PEX1: variants seen among roughly 807,000 people sequenced by gnomAD.
PEX1 encodes the protein peroxisomal ATPase PEX1.
Under a neutral mutation model 152.5 loss-of-function variants are expected in PEX1, and 97 were observed. The ratio of observed to expected loss-of-function variants is 0.64; its 90% CI spans 0.54 to 0.75. The LOEUF (loss-of-function observed/expected upper bound fraction) is 0.75. PEX1 is among the 30% of genes least tolerant of loss of function. PEX1 has a pLI of 0.00. For synonymous variants in PEX1, 485 were observed against 531.6 expected, an observed-to-expected ratio of 0.91 and a Z score of 1.21; for missense variants, 1,357 against 1,516.3, an observed-to-expected ratio of 0.89 and a Z score of 1.74.
intron 11 of PEX1, among the ~76,000 whole-genome samples, chr7:92,505,612 G>T (rs1196727319): frequency 2.0e-5 from 3 of 152,152 alleles, no homozygotes; most frequent in Admixed American, 1.3e-4. Flanking sequence ...TCTGCCTAGA[G>T]ATCCTGGAGT....
chr7:92,508,866 A>G (rs1010348672), intron 9 of PEX1, among the ~76,000 whole-genome samples: 3 of 152,234 alleles, frequency 2.0e-5, no homozygotes, highest in Non-Finnish European at 2.9e-5. Context: ...AAATTATTAC[A>G]GTAATACAAG....
At chr7:92,511,224 A>C (rs1373235279) in intron 7 of PEX1, among the ~76,000 whole-genome samples, 177 bp from the exon 8 acceptor site, 3 of 152,126 alleles carry the variant, frequency 2.0e-5, no homozygotes, top group African/African-American at 7.2e-5. Flanking sequence ...TCCTGGGCTC[A>C]AGTGATCCTT....
At chr7:92,523,197 T>G (rs534223853) in intron 1 of PEX1, among the ~76,000 whole-genome samples, 48 of 152,256 alleles carry the variant, frequency 3.2e-4, no homozygotes, top group Non-Finnish European at 4.4e-4. Context: ...AAGACAACCA[T>G]GTGAACAATT....
At chr7:92,525,841 AG>A (rs1793242300) in intron 1 of PEX1, among the ~76,000 whole-genome samples, 1 of 152,238 alleles carries the variant, frequency 6.6e-6, no homozygotes, top group African/African-American at 2.4e-5. Flanking sequence ...AACACAACAG[AG>A]AAGTATTGAA....
At chr7:92,518,647 G>A (rs770729528) in intron 3 of PEX1, among the ~76,000 whole-genome samples, 1 of 152,194 alleles carries the variant, frequency 6.6e-6, no homozygotes, top group Non-Finnish European at 1.5e-5. Context: ...CTGACTCACT[G>A]CAGCCTTGAC....
chr7:92,517,946 G>T lies in PEX1; in HGVS notation c.569C>A (p.Ser190Ter), dbSNP rs1554375599. The T allele has an allele frequency of 6.3e-7, 1 of 1,597,912 alleles. No individual in the cohort carries two copies. Among genetic ancestry groups the T allele is most frequent in the Non-Finnish European group, 8.5e-7 (1 of 1,174,082 alleles). ...KTRRAKENTF[S>*]KADAEYKKLH... ...TTTTTTATATTCAGCATCAGCTTTTGAAAATGTATTCTCTTTGGCTCGGCG... is the reference window on the plus strand; with the variant it reads ...TTTTTTATATTCAGCATCAGCTTTTTAAAATGTATTCTCTTTGGCTCGGCG... Residue 190 changes from serine (S) to a stop codon, truncating the protein, a stop_gained, in exon 5 of 24, where the codon TCA becomes TAA. Coordinates refer to ENST00000248633, the MANE Select transcript of PEX1 (RefSeq NM_000466.3). LOFTEE classifies it high-confidence loss of function.
chr7:92,523,462 T>C (rs1029245503), intron 1 of PEX1, among the ~76,000 whole-genome samples: 6 of 151,638 alleles, frequency 4.0e-5, no homozygotes, highest in African/African-American at 7.3e-5. Context: ...GCTGGGAATA[T>C]AGGCATACAC....
chr7:92,511,659 T>C lies in PEX1; in HGVS notation c.1404A>G (p.Ser468=), dbSNP rs1488590344. Residue 468 remains serine (S), a synonymous_variant, in exon 7 of 24, where the codon TCA becomes TCG. Transcript: ENST00000248633. ...TGGTGGTAGTAGACTGCTGTAGCCA[T>C]GAATAAAATACAGTTTTTATGTCTT... The part of the protein sequence containing the change: ...SEEDIKTVFY[S]WLQQSTTTML... 6.2e-6 allele frequency: 10 copies of C among 1,611,674 alleles called. No individual in the cohort carries two copies. Among genetic ancestry groups the C allele is most frequent in the Non-Finnish European group, 8.5e-6 (10 of 1,178,262 alleles).
intron 9 of PEX1, 42 bp downstream of exon 9, chr7:92,509,287 T>C: frequency 4.5e-6 from 6 of 1,346,678 alleles, no homozygotes; most frequent in Non-Finnish European, 6.4e-6. Flanking sequence ...GATATAGTGT[T>C]AAAAACATGT....
intron 7 of PEX1, 63 bp downstream of exon 7, chr7:92,511,517 G>A: frequency 7.6e-7 from 1 of 1,312,360 alleles, no homozygotes; most frequent in Non-Finnish European, 1.1e-6. Flanking sequence ...CAGGTTGCAA[G>A]AACAATTAAA....
At chr7:92,494,701 A>G in intron 17 of PEX1, 72 bp from the exon 18 acceptor site, 2 of 1,203,874 alleles carry the variant, frequency 1.7e-6, no homozygotes, top group Admixed American at 1.8e-5. Context: ...ATATACATAT[A>G]TGAATGTATT....
At chr7:92,505,599 G>A (rs1052659854) in intron 11 of PEX1, among the ~76,000 whole-genome samples, 1 of 152,092 alleles carries the variant, frequency 6.6e-6, no homozygotes, top group African/African-American at 2.4e-5. Flanking sequence ...AAATGCAAAT[G>A]CATCTGCCTA....
At position 92,519,050 on chromosome 7, in the gene PEX1, AC is replaced by A. The variant is rs746654281; in HGVS notation, c.301del (p.Val101TyrfsTer31). On this transcript the variant is annotated frameshift_variant, in exon 3 of 24. Transcript: ENST00000248633. LOFTEE classifies it high-confidence loss of function. Reference sequence around the variant, plus strand: ...TTCCACCTCAACTTGTTGACAAGATACCACATGGGAACATGGCTTGAGAAAT... The same window carrying A: ...TTCCACCTCAACTTGTTGACAAGATACACATGGGAACATGGCTTGAGAAAT... ...QVFLKPCSHV[V>X]SCQQVEVEPL... The A allele has an allele frequency of 6.2e-6, 10 of 1,609,498 alleles. No individual in the cohort carries two copies. The highest frequency in any genetic ancestry group is 8.5e-6 in the Non-Finnish European group (10 of 1,175,882).
rs762766482 is a variant in PEX1 at position 92,506,297 on chromosome 7, A to T, written c.1851T>A (p.Phe617Leu). 5 of 1,612,470 alleles carry T rather than the reference A, an allele frequency of 3.1e-6. No homozygotes were observed. The Admixed American group carries it at 6.7e-5, about 21-fold the overall frequency. The change falls in exon 11 of 24, where the codon TTT (phenylalanine) becomes TTA (leucine). Residue 617 changes from phenylalanine (F) to leucine (L), a missense_variant. Physicochemically the swap from Phe to Leu is conservative, Grantham distance 22. Coordinates refer to ENST00000248633, the MANE Select transcript of PEX1 (RefSeq NM_000466.3). Reference sequence around the variant, plus strand: ...TCTCCACATGGGCATCCAGTTTGTCAAATGCTTCTTTACAGATTGCTTTGG... The same window carrying T: ...TCTCCACATGGGCATCCAGTTTGTCTAATGCTTCTTTACAGATTGCTTTGG... ...TLAKAICKEA[F>L]DKLDAHVERV...
At chr7:92,516,893 G>A (rs1189044281) in intron 5 of PEX1, among the ~76,000 whole-genome samples, 1 of 152,108 alleles carries the variant, frequency 6.6e-6, no homozygotes, top group East Asian at 1.9e-4. Context: ...AGTTGCTTTC[G>A]GTAACTGGGG....
rs372469970 is a variant in PEX1, at chr7:92,527,386, CAA to C, written c.129+919_129+920del. The stretch of plus-strand genomic sequence containing the variant: ...TCTAGCCATAAAGCCCATCAAAAAC[CAA>C]AAGATTGTCTACTTAGTGGTAAAAA... On this transcript the variant is annotated intron_variant, in intron 1 of 23. Coordinates refer to ENST00000248633, the MANE Select transcript of PEX1 (RefSeq NM_000466.3). Among the ~76,000 whole-genome samples, 131 of 152,114 alleles carry C rather than the reference CAA, an allele frequency of 8.6e-4. 2 individuals are homozygous for C. Among genetic ancestry groups the C allele is most frequent in the African/African-American group, 3.0e-3 (124 of 41,516 alleles).
intron 11 of PEX1, among the ~76,000 whole-genome samples, chr7:92,506,017 G>A (rs1792170956): frequency 6.6e-6 from 1 of 151,696 alleles, no homozygotes; most frequent in Non-Finnish European, 1.5e-5. Context: ...CAGAAATGTA[G>A]TCTACAAAAA....
chr7:92,491,693 A>G, intron 20 of PEX1, 191 bp from the exon 21 acceptor site: 1 of 558,408 alleles, frequency 1.8e-6, no homozygotes, highest in Non-Finnish European at 3.2e-6. Flanking sequence ...TAAAGACAAG[A>G]TAGAATGTGT....
chr7:92,502,431 T>G (rs1791976425), intron 13 of PEX1, among the ~76,000 whole-genome samples: 1 of 152,190 alleles, frequency 6.6e-6, no homozygotes, highest in Non-Finnish European at 1.5e-5. Flanking sequence ...TAAGAAGCAT[T>G]TTTAGTAATA....
Sources: allele counts gnomAD v4.1 joint callset (sites outside exome capture counted in the v4.1 genomes callset), GRCh38; gene constraint gnomAD v4.1.1; transcripts MANE v1.5; gene names NCBI Gene and HGNC (gene_info 2026-07-23, HGNC 2026-07-21).